Variants in ZNF521 observed in about 807,000 individuals in gnomAD.
ZNF521 encodes zinc finger protein 521, also known as LYST-interacting protein 3.
In ZNF521, 14 loss-of-function variants were observed where a neutral mutation model predicts 105.5. That is an observed-to-expected ratio of 0.13 (90% CI 0.09 to 0.21). ZNF521 has a LOEUF of 0.21. ZNF521 is among the 10% of genes least tolerant of loss of function. The probability of loss-of-function intolerance (pLI) is 1.00; values close to 1 mark genes in which losing one functional copy is unlikely to be tolerated. For missense variants in ZNF521, 1,233 were observed against 1,629.7 expected (o/e 0.76, Z 4.19); for synonymous variants, 635 against 606.0 (o/e 1.05, Z -0.70).
At chr18:25,306,024 C>A (rs576719571) in intron 3 of ZNF521, among the ~76,000 whole-genome samples, 1 of 152,324 alleles carries the variant, frequency 6.6e-6, no homozygotes, top group East Asian at 1.9e-4. Flanking sequence ...TAAGGACATA[C>A]AACCAGCTTT....
At chr18:25,290,545 G>C (rs1416371664) in intron 3 of ZNF521, among the ~76,000 whole-genome samples, 4 of 151,568 alleles carry the variant, frequency 2.6e-5, no homozygotes, top group African/African-American at 4.8e-5. Flanking sequence ...ATTTTAACTA[G>C]AGAGCAATTT....
At position 25,145,100 on chromosome 18, in the gene ZNF521, G is replaced by A. The variant is rs73400899; in HGVS notation, c.3658+50060C>T. Among the ~76,000 whole-genome samples the A allele has an allele frequency of 6.5e-3, 988 of 152,216 alleles. 14 individuals carry two copies. Among genetic ancestry groups the A allele is most frequent in the African/African-American group, 0.023 (950 of 41,542 alleles). The stretch of plus-strand genomic sequence containing the variant: ...AAACTATCTCTGTAGCCCTGGTTGT[G>A]GACATAGTTTTCCATACTGTGCTTG... On this transcript the variant is annotated intron_variant, in intron 5 of 7. Transcript: ENST00000361524.
At chr18:25,295,035 A>T (rs1316158805) in intron 3 of ZNF521, among the ~76,000 whole-genome samples, 4 of 152,048 alleles carry the variant, frequency 2.6e-5, no homozygotes, top group African/African-American at 9.7e-5. Context: ...CACTCATATA[A>T]CTACTATACT....
At chr18:25,196,604 T>A (rs1467281164) in intron 4 of ZNF521, among the ~76,000 whole-genome samples, 3 of 151,716 alleles carry the variant, frequency 2.0e-5, no homozygotes, top group African/African-American at 4.8e-5. Flanking sequence ...TCTGACGGTC[T>A]TTGTACATTA....
chr18:25,168,529 C>T (rs2035389703), intron 5 of ZNF521, among the ~76,000 whole-genome samples: 1 of 152,112 alleles, frequency 6.6e-6, no homozygotes, highest in African/African-American at 2.4e-5. Context: ...GACTTCCCAA[C>T]AAAAAGCAGT....
At chr18:25,317,181 C>T (rs1236607940) in intron 3 of ZNF521, among the ~76,000 whole-genome samples, 1 of 133,136 alleles carries the variant, frequency 7.5e-6, no homozygotes, top group Non-Finnish European at 1.7e-5. Context: ...TTTGACTAAC[C>T]TGCTGTAGTA....
chr18:25,316,461 A>G (rs1237900374), intron 3 of ZNF521, among the ~76,000 whole-genome samples: 1 of 151,556 alleles, frequency 6.6e-6, no homozygotes, highest in Non-Finnish European at 1.5e-5. Context: ...GGAAGCAGCA[A>G]GAAGAGAATT....
intron 7 of ZNF521, among the ~76,000 whole-genome samples, chr18:25,068,702 C>T (rs888989247): frequency 1.2e-4 from 18 of 152,064 alleles, no homozygotes; most frequent in African/African-American, 4.4e-4. Flanking sequence ...CTGTACGGGT[C>T]CCTGAAGGCC....
chr18:25,298,597 A>C (rs749633013), intron 3 of ZNF521, among the ~76,000 whole-genome samples: 3 of 152,120 alleles, frequency 2.0e-5, no homozygotes, highest in Non-Finnish European at 2.9e-5. Flanking sequence ...TTACCCACAT[A>C]CTTTATATTT....
In ZNF521 at chr18:25,224,737, C is replaced by G; in HGVS notation, c.3181G>C (p.Val1061Leu). 6.2e-7 allele frequency: 1 copy of G among 1,613,928 alleles called. No individual in the cohort carries two copies. Among genetic ancestry groups the G allele is most frequent in the Non-Finnish European group, 8.5e-7 (1 of 1,179,972 alleles). ...AVQTTGRGQH[V>L]QKLYKCASCL... The stretch of plus-strand genomic sequence containing the variant: ...GATGCGCACTTATACAGTTTTTGGA[C>G]GTGCTGGCCCCGCCCTGTGGTCTGA... Residue 1061 changes from valine (V) to leucine (L), a missense_variant, in exon 4 of 8, where the codon GTC (valine) becomes CTC (leucine). This residue lies in a region of ZNF521 where 614 missense variants were observed against 751.5 expected (regional missense o/e 0.82). Transcript: ENST00000361524.
intron 2 of ZNF521, among the ~76,000 whole-genome samples, chr18:25,325,743 G>T (rs975418710): frequency 6.6e-6 from 1 of 152,096 alleles, no homozygotes; most frequent in African/African-American, 2.4e-5. Context: ...GATTTATACC[G>T]TTCTGATTGG....
At chr18:25,248,036 G>A (rs1907849241) in intron 3 of ZNF521, among the ~76,000 whole-genome samples, 1 of 152,094 alleles carries the variant, frequency 6.6e-6, no homozygotes, top group Admixed American at 6.5e-5. Context: ...TTTGCAAGAA[G>A]ACTATTAGGA....
At chr18:25,156,431 AT>A (rs1320721114) in intron 5 of ZNF521, among the ~76,000 whole-genome samples, 1 of 152,158 alleles carries the variant, frequency 6.6e-6, no homozygotes, top group African/African-American at 2.4e-5. Flanking sequence ...CAGAAGAAAC[AT>A]TTTCTCACGC....
chr18:25,333,493 T>C (rs1913706721), intron 2 of ZNF521, among the ~76,000 whole-genome samples: 1 of 152,058 alleles, frequency 6.6e-6, no homozygotes, highest in Non-Finnish European at 1.5e-5. Flanking sequence ...TCCAACACAT[T>C]TGAAACCTTA....
At chr18:25,116,945 A>G (rs1023917678) in intron 5 of ZNF521, among the ~76,000 whole-genome samples, 19 of 142,672 alleles carry the variant, frequency 1.3e-4, no homozygotes, top group Admixed American at 5.0e-4. Context: ...GTATATATAC[A>G]CATATATATG....
chr18:25,189,646 T>C (rs1280257488), intron 5 of ZNF521, among the ~76,000 whole-genome samples: 1 of 152,190 alleles, frequency 6.6e-6, no homozygotes, highest in East Asian at 1.9e-4. Context: ...CTTAAAATCA[T>C]CTGATTATTA....
intron 3 of ZNF521, among the ~76,000 whole-genome samples, chr18:25,281,579 C>T (rs1176903391): frequency 6.6e-6 from 1 of 152,218 alleles, no homozygotes; most frequent in Admixed American, 6.5e-5. Context: ...CACACTGTGT[C>T]TGACATGCAT....
intron 3 of ZNF521, among the ~76,000 whole-genome samples, chr18:25,257,579 C>T (rs770996424): frequency 2.6e-5 from 4 of 152,176 alleles, no homozygotes; most frequent in Admixed American, 1.3e-4. Flanking sequence ...GAAATCCATT[C>T]GTAAGCGATA....
intron 3 of ZNF521, among the ~76,000 whole-genome samples, chr18:25,250,480 T>C (rs78960239): frequency 0.018 from 2,680 of 152,312 alleles, 92 homozygotes; most frequent in African/African-American, 0.061. Flanking sequence ...CTGGTCAGAA[T>C]TTGTTCCTTT....
Sources: allele counts gnomAD v4.1 joint callset (sites outside exome capture counted in the v4.1 genomes callset), GRCh38; gene constraint gnomAD v4.1.1; regional missense constraint gnomAD v4.1.1; transcripts MANE v1.5; gene names NCBI Gene and HGNC (gene_info 2026-07-23, HGNC 2026-07-21).